C1orf21: variants seen among roughly 807,000 people sequenced by gnomAD.
The protein encoded by C1orf21 is chromosome 1 open reading frame 21, also known as uncharacterized protein C1orf21.
In C1orf21, 3 loss-of-function variants were observed where a neutral mutation model predicts 18.7. That is an observed-to-expected ratio of 0.16 (90% CI 0.07 to 0.42). C1orf21 has a LOEUF of 0.42. C1orf21 is among the 10% of genes least tolerant of loss of function. C1orf21 has a pLI of 0.99. For synonymous variants in C1orf21, 41 were observed against 46.4 expected (o/e 0.88, Z 0.47); for missense variants, 104 against 143.6 (o/e 0.72, Z 1.41).
At chr1:184,480,736 A>C (rs760754581) in intron 2 of C1orf21, among the ~76,000 whole-genome samples, 1 of 152,150 alleles carries the variant, frequency 6.6e-6, no homozygotes, top group South Asian at 2.1e-4. Context: ...CTTTAAGAGC[A>C]CTGTTTTGCT....
At chr1:184,425,386 C>T (rs1656619804) in intron 1 of C1orf21, among the ~76,000 whole-genome samples, 1 of 151,938 alleles carries the variant, frequency 6.6e-6, no homozygotes, top group Non-Finnish European at 1.5e-5. Flanking sequence ...CTGCCTCAGC[C>T]TCCAGAGTAG....
chr1:184,537,500 A>C (rs183192109), intron 3 of C1orf21, among the ~76,000 whole-genome samples: 47 of 152,294 alleles, frequency 3.1e-4, no homozygotes, highest in Admixed American at 2.5e-3. Flanking sequence ...AAGGATGAAT[A>C]ATATTCCGTT....
chr1:184,441,440 A>G (rs764121207), intron 1 of C1orf21, among the ~76,000 whole-genome samples: 3 of 152,204 alleles, frequency 2.0e-5, no homozygotes, highest in Non-Finnish European at 4.4e-5. Flanking sequence ...CACAATTCAA[A>G]TTTATTCACT....
At chr1:184,459,362 G>T (rs1285431297) in intron 1 of C1orf21, among the ~76,000 whole-genome samples, 1 of 152,204 alleles carries the variant, frequency 6.6e-6, no homozygotes, top group Non-Finnish European at 1.5e-5. Context: ...AGTACAAGTT[G>T]TTAAATTTGT....
intron 3 of C1orf21, among the ~76,000 whole-genome samples, chr1:184,586,776 CTTTAG>C (rs1288288776): frequency 6.6e-6 from 1 of 152,110 alleles, no homozygotes; most frequent in African/African-American, 2.4e-5. Flanking sequence ...AGCAGAAGCT[CTTTAG>C]TTTAATTAAA....
chr1:184,471,287 C>T (rs147780873), intron 1 of C1orf21, among the ~76,000 whole-genome samples: 56 of 152,220 alleles, frequency 3.7e-4, no homozygotes, highest in African/African-American at 1.1e-3. Context: ...CCAGCAAATA[C>T]GCAATTGAAA....
chr1:184,578,052 G>A (rs909435626), intron 3 of C1orf21, among the ~76,000 whole-genome samples: 2 of 150,904 alleles, frequency 1.3e-5, no homozygotes, highest in African/African-American at 2.4e-5. Context: ...CACCTCCGGG[G>A]TTCAAGCAAT....
In C1orf21 at chr1:184,559,504, CCCCT is replaced by C. The variant is rs1206482694; in HGVS notation, c.190-31234_190-31231del. Among the ~76,000 whole-genome samples the C allele has an allele frequency of 9.7e-3, 370 of 38,022 alleles. 10 individuals carry two copies. Among genetic ancestry groups the C allele is most frequent in the African/African-American group, 0.034 (324 of 9,506 alleles). 24.9% of individuals were successfully genotyped at this position (38,022 alleles called of 152,430 possible). On this transcript the variant is annotated intron_variant, in intron 3 of 5. Transcript: ENST00000235307. ...CTTCCTTCCTTCCTTCCTTCCTTCCCCCCTTCCTTCCTTCCTTCCTTCCTTCCTT... is the reference window on the plus strand; with the variant it reads ...CTTCCTTCCTTCCTTCCTTCCTTCCCTCCTTCCTTCCTTCCTTCCTTCCTT...
chr1:184,506,059 T>C (rs1185742319), intron 2 of C1orf21, among the ~76,000 whole-genome samples: 1 of 152,188 alleles, frequency 6.6e-6, no homozygotes, highest in Non-Finnish European at 1.5e-5. Flanking sequence ...AGAATTCTTT[T>C]GTATTGTAAT....
chr1:184,584,015 T>A (rs753839079), intron 3 of C1orf21, among the ~76,000 whole-genome samples: 5 of 152,054 alleles, frequency 3.3e-5, no homozygotes, highest in Non-Finnish European at 7.3e-5. Flanking sequence ...CTCAGCCCCC[T>A]CTGCTGGGTC....
At chr1:184,581,750 CT>C (rs1659280277) in intron 3 of C1orf21, among the ~76,000 whole-genome samples, 1 of 152,078 alleles carries the variant, frequency 6.6e-6, no homozygotes, top group African/African-American at 2.4e-5. Flanking sequence ...TGTTTACTTT[CT>C]TAAGATTGTA....
At chr1:184,517,599 C>G (rs1304304555) in intron 3 of C1orf21, among the ~76,000 whole-genome samples, 2 of 152,136 alleles carry the variant, frequency 1.3e-5, no homozygotes, top group Non-Finnish European at 2.9e-5. Flanking sequence ...TCTTCTCACT[C>G]TCTCCTTCTA....
chr1:184,513,487 T>A (rs1277565903), intron 3 of C1orf21, among the ~76,000 whole-genome samples: 1 of 152,238 alleles, frequency 6.6e-6, no homozygotes, highest in Non-Finnish European at 1.5e-5. Flanking sequence ...GATAAGCGTA[T>A]GAAAATACGT....
At chr1:184,552,682 A>G (rs1344203791) in intron 3 of C1orf21, among the ~76,000 whole-genome samples, 1 of 152,232 alleles carries the variant, frequency 6.6e-6, no homozygotes, top group East Asian at 1.9e-4. Flanking sequence ...TATCCATATA[A>G]TGAGATAGTA....
At chr1:184,410,267 G>A (rs1656310795) in intron 1 of C1orf21, among the ~76,000 whole-genome samples, 1 of 152,010 alleles carries the variant, frequency 6.6e-6, no homozygotes, top group Admixed American at 6.6e-5. Flanking sequence ...TATCTTGACA[G>A]GATTATGCTG....
intron 3 of C1orf21, 42 bp downstream of exon 3, chr1:184,507,724 AC>A: frequency 6.7e-7 from 1 of 1,496,148 alleles, no homozygotes; most frequent in Non-Finnish European, 9.1e-7. Flanking sequence ...TTTTGGTGAC[AC>A]TATTGTAATA....
At chr1:184,437,108 A>G (rs1305978729) in intron 1 of C1orf21, among the ~76,000 whole-genome samples, 1 of 152,102 alleles carries the variant, frequency 6.6e-6, no homozygotes, top group Non-Finnish European at 1.5e-5. Context: ...AATCCTCTTG[A>G]CACTTTTTGT....
intron 1 of C1orf21, among the ~76,000 whole-genome samples, chr1:184,392,819 CTTTTTTTT>C (rs397861528): frequency 3.1e-5 from 3 of 96,822 alleles, no homozygotes; most frequent in African/African-American, 4.1e-5. Flanking sequence ...GACATTCCTC[CTTTTTTTT>C]TTTTTTTTTT....
intron 3 of C1orf21, among the ~76,000 whole-genome samples, chr1:184,580,399 C>T (rs1659259726): frequency 6.6e-6 from 1 of 152,222 alleles, no homozygotes; most frequent in South Asian, 2.1e-4. Context: ...GGAAAGTCTA[C>T]TGAACTTGAA....
Sources: gnomAD v4.1 joint callset for allele counts (sites outside exome capture counted in the v4.1 genomes callset) on GRCh38, gnomAD v4.1.1 for gene constraint, MANE v1.5 for transcripts, NCBI Gene and HGNC (gene_info 2026-07-23, HGNC 2026-07-21) for gene names.